The following GABRA3 variants were observed in gnomAD, a reference collection of about 807,000 sequenced individuals.
GABRA3 encodes the protein gamma-aminobutyric acid receptor subunit alpha-3.
Under a neutral mutation model 30.1 loss-of-function variants are expected in GABRA3, and 10 were observed. The ratio of observed to expected loss-of-function variants is 0.33; its 90% CI spans 0.20 to 0.56. The LOEUF (loss-of-function observed/expected upper bound fraction) is 0.56. GABRA3 is among the 20% of genes least tolerant of loss of function. The probability of loss-of-function intolerance (pLI) is 0.89; values close to 1 mark genes in which losing one functional copy is unlikely to be tolerated. For synonymous variants in GABRA3, 151 were observed against 146.8 expected (o/e 1.03, Z -0.21); for missense variants, 233 against 392.0 (o/e 0.59, Z 3.42).
intron 5 of GABRA3, among the ~76,000 whole-genome samples, chrX:152,245,220 T>C (rs1938444874): frequency 9.0e-6 from 1 of 110,939 alleles, no homozygotes. Flanking sequence ...CTCTGAACTC[T>C]TAGGAATGCT....
At chrX:152,215,037 GAT>G (rs145636654) in intron 6 of GABRA3, among the ~76,000 whole-genome samples, 12,988 of 97,946 alleles carry the variant, frequency 0.13, 726 homozygotes, top group Admixed American at 0.22. Context: ...TGTGTGTATG[GAT>G]ATATATATAT....
chrX:152,233,559 G>A (rs1436531250), intron 5 of GABRA3, among the ~76,000 whole-genome samples: 3 of 110,080 alleles, frequency 2.7e-5, no homozygotes, highest in African/African-American at 1.0e-4. Context: ...GGGTACTGGA[G>A]AGGATGTGGA....
chrX:152,197,429 C>G (rs779063451), intron 8 of GABRA3, among the ~76,000 whole-genome samples: 4 of 111,382 alleles, frequency 3.6e-5, no homozygotes, highest in Non-Finnish European at 7.5e-5. Flanking sequence ...ATTTCAGTAT[C>G]TTACTGGTCC....
At chrX:152,217,868 G>A (rs1216676798) in intron 6 of GABRA3, among the ~76,000 whole-genome samples, 4 of 109,139 alleles carry the variant, frequency 3.7e-5, no homozygotes, top group East Asian at 2.9e-4. Context: ...TATTTGCTTC[G>A]TCTGTCTGGT....
chrX:152,377,835 T>C (rs185104787), intron 1 of GABRA3, among the ~76,000 whole-genome samples: 9 of 111,386 alleles, frequency 8.1e-5, no homozygotes, highest in Non-Finnish European at 1.7e-4. Flanking sequence ...CATGCTACAA[T>C]TTCAGATTAT....
intron 3 of GABRA3, among the ~76,000 whole-genome samples, chrX:152,298,317 G>T (rs988144849): frequency 2.8e-5 from 3 of 108,607 alleles, no homozygotes; most frequent in Admixed American, 2.0e-4. Context: ...GTTGGTGTGC[G>T]GCACCCATTA....
At chrX:152,384,849 G>A (rs963036476) in intron 1 of GABRA3, among the ~76,000 whole-genome samples, 3 of 111,519 alleles carry the variant, frequency 2.7e-5, no homozygotes, top group Admixed American at 9.6e-5. Flanking sequence ...CACATCATAC[G>A]TATATCTGAT....
intron 1 of GABRA3, among the ~76,000 whole-genome samples, chrX:152,445,746 C>A (rs1931072183): frequency 9.0e-6 from 1 of 111,340 alleles, no homozygotes; most frequent in South Asian, 3.8e-4. Context: ...TCACCCTATT[C>A]AAAACCCTTT....
chrX:152,168,550 G>A lies in GABRA3; in HGVS notation c.1157C>T (p.Ala386Val). The A allele has an allele frequency of 8.3e-7, 1 of 1,205,336 alleles. No homozygotes were observed. The highest frequency in any genetic ancestry group is 1.7e-5 in the African/African-American group (1 of 57,660). The change falls in exon 10 of 10, where the codon GCA becomes GTA. Residue 386 changes from alanine (A) to valine (V), a missense_variant. Ala to Val is a moderately conservative substitution (Grantham distance 64). Transcript: ENST00000370314. The stretch of plus-strand genomic sequence containing the variant: ...AGTGCTGGTTTTCTTTGCTGGGGCT[G>A]CTGGTGTTTTCTTCTAGAGGCCAGG... The part of the protein sequence containing the change: ...EALEMKKKTP[A>V]APAKKTSTTF...
At chrX:152,242,749 G>A (rs192908751) in intron 5 of GABRA3, among the ~76,000 whole-genome samples, 5 of 111,841 alleles carry the variant, frequency 4.5e-5, no homozygotes, top group Non-Finnish European at 9.4e-5. Flanking sequence ...AGGTGTTGGC[G>A]AGAATGTGGA....
At chrX:152,434,885 C>T (rs1007091819) in intron 1 of GABRA3, among the ~76,000 whole-genome samples, 7 of 111,133 alleles carry the variant, frequency 6.3e-5, no homozygotes, top group African/African-American at 2.0e-4. Context: ...AAGGGAACTC[C>T]CTCAAACTTA....
At chrX:152,323,421 T>C (rs1940002580) in intron 3 of GABRA3, among the ~76,000 whole-genome samples, 1 of 111,712 alleles carries the variant, frequency 9.0e-6, no homozygotes, top group East Asian at 2.8e-4. Flanking sequence ...CTCTCTGCTA[T>C]GACCCTGAGT....
chrX:152,203,560 T>C (rs1473350030), intron 7 of GABRA3, among the ~76,000 whole-genome samples: 2 of 111,948 alleles, frequency 1.8e-5, no homozygotes, highest in African/African-American at 6.5e-5. Context: ...TTTATACTCT[T>C]ATACTTCCGA....
At chrX:152,358,350 CT>C (rs900948831) in intron 2 of GABRA3, among the ~76,000 whole-genome samples, 1 of 111,344 alleles carries the variant, frequency 9.0e-6, no homozygotes, top group Non-Finnish European at 1.9e-5. Flanking sequence ...TGGCTCTCAG[CT>C]TGGATGTTGT....
At chrX:152,445,235 T>TA (rs1931059200) in intron 1 of GABRA3, among the ~76,000 whole-genome samples, 2 of 110,132 alleles carry the variant, frequency 1.8e-5, no homozygotes, top group Non-Finnish European at 3.8e-5. Flanking sequence ...CTTTTAAGTA[T>TA]AAAAATGCTT....
intron 8 of GABRA3, among the ~76,000 whole-genome samples, chrX:152,192,888 C>G (rs1347424347): frequency 8.9e-6 from 1 of 111,938 alleles, no homozygotes; most frequent in Non-Finnish European, 1.9e-5. Context: ...GTGAGTCCAC[C>G]TATTTTCTCA....
At chrX:152,182,785 T>TATATATACAGTAC (rs1937200493) in intron 9 of GABRA3, among the ~76,000 whole-genome samples, 1 of 88,700 alleles carries the variant, frequency 1.1e-5, no homozygotes, top group Non-Finnish European at 2.2e-5. Flanking sequence ...ATATACAGTA[T>TATATATACAGTAC]ATATATACTA....
At chrX:152,379,578 AGAT>A (rs948499242) in intron 1 of GABRA3, among the ~76,000 whole-genome samples, 2 of 111,417 alleles carry the variant, frequency 1.8e-5, no homozygotes, top group Non-Finnish European at 3.8e-5. Flanking sequence ...AAAAGAAAGA[AGAT>A]GATAATTAAA....
At chrX:152,201,858 G>A (rs1259720375) in intron 7 of GABRA3, among the ~76,000 whole-genome samples, 3 of 110,434 alleles carry the variant, frequency 2.7e-5, no homozygotes, top group Non-Finnish European at 3.8e-5. Flanking sequence ...TTTATGTCCT[G>A]TTTTATGCCT....
Sources: allele counts gnomAD v4.1 joint callset (sites outside exome capture counted in the v4.1 genomes callset), GRCh38; gene constraint gnomAD v4.1.1; transcripts MANE v1.5; gene names NCBI Gene and HGNC (gene_info 2026-07-23, HGNC 2026-07-21).